Variants in ATP13A5 observed in about 807,000 individuals in gnomAD.
The protein encoded by ATP13A5 is probable cation-transporting ATPase 13A5.
In ATP13A5, 149 loss-of-function variants were observed where a neutral mutation model predicts 150.2. That is an observed-to-expected ratio of 0.99 (90% CI 0.87 to 1.14). ATP13A5 has a LOEUF of 1.14. Among genes scored for constraint, ATP13A5 ranks in the 50% most tolerant of loss-of-function variants. The probability of loss-of-function intolerance (pLI) is 0.00; values close to 1 mark genes in which losing one functional copy is unlikely to be tolerated. For synonymous variants in ATP13A5, 497 were observed against 522.2 expected, an observed-to-expected ratio of 0.95 and a Z score of 0.66; for missense variants, 1,383 against 1,449.3, an observed-to-expected ratio of 0.95 and a Z score of 0.74.
intron 9 of ATP13A5, among the ~76,000 whole-genome samples, chr3:193,336,136 CTCTT>C (rs1394971928): frequency 1.4e-4 from 21 of 152,158 alleles, no homozygotes; most frequent in African/African-American, 5.1e-4. Context: ...GGTCTCATCT[CTCTT>C]TCTAGGTCAT....
intron 1 of ATP13A5, among the ~76,000 whole-genome samples, chr3:193,376,668 C>T (rs2108588580): frequency 6.6e-6 from 1 of 152,344 alleles, no homozygotes; most frequent in Non-Finnish European, 1.5e-5. Flanking sequence ...CATCCATTAG[C>T]TATTCTTCCT....
intron 13 of ATP13A5, among the ~76,000 whole-genome samples, chr3:193,326,762 A>T (rs566379068): frequency 6.6e-6 from 1 of 152,274 alleles, no homozygotes; most frequent in South Asian, 2.1e-4. Context: ...TTAGTTCCTT[A>T]ATTATCCACC....
At chr3:193,321,927 GC>G in intron 15 of ATP13A5, 90 bp from the exon 16 acceptor site, 1 of 1,380,190 alleles carries the variant, frequency 7.2e-7, no homozygotes. Context: ...TGTGCAATGA[GC>G]CCAGAGACAT....
chr3:193,340,267 G>C (rs1030213615), intron 9 of ATP13A5, among the ~76,000 whole-genome samples: 1 of 152,170 alleles, frequency 6.6e-6, no homozygotes, highest in Non-Finnish European at 1.5e-5. Flanking sequence ...AGAACCATTA[G>C]ACTGTAAATG....
chr3:193,299,698 A>G (rs1718327135), intron 24 of ATP13A5, among the ~76,000 whole-genome samples: 1 of 152,152 alleles, frequency 6.6e-6, no homozygotes, highest in African/African-American at 2.4e-5. Flanking sequence ...CCATTGCAGA[A>G]TTCAGTCGGG....
chr3:193,368,392 T>TTGTGCGTGTGTGTG (rs1553823594), intron 1 of ATP13A5, among the ~76,000 whole-genome samples: 2 of 147,248 alleles, frequency 1.4e-5, no homozygotes, highest in Non-Finnish European at 3.0e-5. Context: ...CTCTTCAGAC[T>TTGTGCGTGTGTGTG]TGTGTGTGTG....
intron 26 of ATP13A5, among the ~76,000 whole-genome samples, chr3:193,287,237 A>T (rs1717758574): frequency 6.6e-6 from 1 of 152,158 alleles, no homozygotes. Context: ...AGAAGATTTA[A>T]CTAAGACAAT....
Position 193,279,368 on chromosome 3 carries a change from C to A in ATP13A5, c.3313G>T (p.Glu1105Ter). ...SDFQVIYRGM[E>*]LIPTITSWRV... ...ATGTGCAAATGAATGCCACTTACCT[C>A]CATTCCACGGTATATAACTTGAAAG... Residue 1105 changes from glutamate (E) to a stop codon, truncating the protein, a stop_gained and splice_region_variant, in exon 28 of 30, where the codon GAG (glutamate) becomes TAG (stop). Transcript: ENST00000342358. LOFTEE classifies it high-confidence loss of function. The A allele has an allele frequency of 1.2e-6, 2 of 1,612,122 alleles. No individual in the cohort carries two copies. The highest frequency in any genetic ancestry group is 1.3e-5 in the African/African-American group (1 of 74,980).
chr3:193,306,996 C>T, intron 22 of ATP13A5: 1 of 615,380 alleles, frequency 1.6e-6, no homozygotes, highest in Admixed American at 6.3e-5. Context: ...AAGAAATCAC[C>T]TCCTTGAGAA....
chr3:193,327,958 C>T (rs1719527481), intron 12 of ATP13A5, among the ~76,000 whole-genome samples: 1 of 152,210 alleles, frequency 6.6e-6, no homozygotes, highest in Non-Finnish European at 1.5e-5. Context: ...CTTTTCAAGC[C>T]TATCTCTATA....
intron 5 of ATP13A5, among the ~76,000 whole-genome samples, chr3:193,355,018 C>T (rs913734580): frequency 6.7e-5 from 10 of 148,434 alleles, no homozygotes; most frequent in African/African-American, 1.7e-4. Context: ...CCGCAACCTC[C>T]GCCTCCCAGG....
Position 193,363,821 on chromosome 3 carries a change from C to A in ATP13A5, c.237+286G>T, listed in dbSNP as rs192278715. Among the ~76,000 whole-genome samples, 13 of 152,268 alleles carry A rather than the reference C, an allele frequency of 8.5e-5. No homozygotes were observed. In the East Asian group the frequency reaches 2.5e-3, roughly 29 times the overall value. On this transcript the variant is annotated intron_variant, in intron 2 of 29. Transcript: ENST00000342358. ...CTCTAAACGCTGTAACACTGACAGCCACTGCTCATGTAATGGCTAAGAGCA... is the reference window on the plus strand; with the variant it reads ...CTCTAAACGCTGTAACACTGACAGCAACTGCTCATGTAATGGCTAAGAGCA...
rs370648584 is a variant in ATP13A5, at chr3:193,357,765, T to C, written c.537-3569A>G. Among the ~76,000 whole-genome samples, 6 of 152,142 alleles carry C rather than the reference T, an allele frequency of 3.9e-5. No homozygotes were observed. The South Asian group carries it at 8.3e-4, about 21-fold the overall frequency. On this transcript the variant is annotated intron_variant, in intron 5 of 29. Transcript: ENST00000342358. ...GAGGTAGATGGTCCCTCTCCAGAAGTTGAACAATTTCTCAGCAGGAAACCT... is the reference window on the plus strand; with the variant it reads ...GAGGTAGATGGTCCCTCTCCAGAAGCTGAACAATTTCTCAGCAGGAAACCT...
intron 1 of ATP13A5, among the ~76,000 whole-genome samples, chr3:193,371,546 A>G (rs1223137197): frequency 6.6e-6 from 1 of 152,222 alleles, no homozygotes; most frequent in Non-Finnish European, 1.5e-5. Flanking sequence ...TCTGGAGCTA[A>G]GAGACCTCTT....
chr3:193,350,307 A>G (rs572047760), intron 7 of ATP13A5, among the ~76,000 whole-genome samples: 1 of 152,270 alleles, frequency 6.6e-6, no homozygotes, highest in South Asian at 2.1e-4. Flanking sequence ...GTTTGAATTT[A>G]TCCTTCAGTG....
chr3:193,331,821 A>G (rs763935558), intron 11 of ATP13A5, among the ~76,000 whole-genome samples: 19 of 152,228 alleles, frequency 1.2e-4, no homozygotes, highest in Non-Finnish European at 2.4e-4. Flanking sequence ...TGCTCTCTAT[A>G]ACAACCTTAT....
At chr3:193,356,867 G>A (rs903766491) in intron 5 of ATP13A5, among the ~76,000 whole-genome samples, 1 of 152,024 alleles carries the variant, frequency 6.6e-6, no homozygotes, top group African/African-American at 2.4e-5. Context: ...CCAGGCTGGA[G>A]TGCATTGGCA....
intron 17 of ATP13A5, among the ~76,000 whole-genome samples, chr3:193,318,788 T>C (rs545424606): frequency 1.3e-5 from 2 of 152,334 alleles, no homozygotes; most frequent in East Asian, 3.9e-4. Context: ...ATCCTTGTTC[T>C]GCCACCAACC....
At chr3:193,295,597 G>C (rs1718136123) in intron 25 of ATP13A5, among the ~76,000 whole-genome samples, 1 of 152,122 alleles carries the variant, frequency 6.6e-6, no homozygotes, top group African/African-American at 2.4e-5. Context: ...AATATACAGT[G>C]AGAGATGAAC....
Sources: allele counts gnomAD v4.1 joint callset (sites outside exome capture counted in the v4.1 genomes callset), GRCh38; gene constraint gnomAD v4.1.1; transcripts MANE v1.5; gene names NCBI Gene and HGNC (gene_info 2026-07-23, HGNC 2026-07-21).